PVT1: variants seen among roughly 807,000 people sequenced by gnomAD.
The protein encoded by PVT1 is CXCR4/PVT1 fusion.
chr8:128,017,667 G>T (rs1817389274), intron 4 of PVT1, among the ~76,000 whole-genome samples: 1 of 151,866 alleles, frequency 6.6e-6, no homozygotes, highest in South Asian at 2.1e-4. Context: ...AAACTCCTGG[G>T]CTCAAGTTAT....
At chr8:127,850,431 T>G (rs911998876) in intron 2 of PVT1, among the ~76,000 whole-genome samples, 1 of 152,210 alleles carries the variant, frequency 6.6e-6, no homozygotes, top group African/African-American at 2.4e-5. Flanking sequence ...TTGGTTATGA[T>G]GCCACGGCCC....
chr8:127,869,161 C>T (rs887461338), intron 2 of PVT1, among the ~76,000 whole-genome samples: 14 of 152,118 alleles, frequency 9.2e-5, no homozygotes, highest in East Asian at 3.9e-4. Flanking sequence ...GATGGAGTCT[C>T]GCTCTGTTGC....
chr8:128,096,044 C>G, intron 5 of PVT1, among the ~76,000 whole-genome samples: 1 of 152,140 alleles, frequency 6.6e-6, no homozygotes, highest in Admixed American at 6.5e-5. Flanking sequence ...CAAGTAGGCT[C>G]AGAGCACAGA....
chr8:127,897,086 C>T (rs1169823866), intron 3 of PVT1, among the ~76,000 whole-genome samples: 2 of 152,110 alleles, frequency 1.3e-5, no homozygotes, highest in Non-Finnish European at 2.9e-5. Context: ...CTGTGGAATT[C>T]CAAAGTTAAT....
chr8:127,822,330 C>T (rs1707004384), intron 2 of PVT1, among the ~76,000 whole-genome samples: 1 of 152,182 alleles, frequency 6.6e-6, no homozygotes, highest in East Asian at 1.9e-4. Flanking sequence ...GTAATCCCAG[C>T]ACTTTGGGAG....
chr8:127,819,798 C>T (rs1159839758), intron 2 of PVT1, among the ~76,000 whole-genome samples: 1 of 152,208 alleles, frequency 6.6e-6, no homozygotes, highest in Non-Finnish European at 1.5e-5. Flanking sequence ...GAATCCTAGA[C>T]TCTTAACATT....
At chr8:127,918,710 G>C (rs1049726067) in intron 3 of PVT1, among the ~76,000 whole-genome samples, 5 of 152,206 alleles carry the variant, frequency 3.3e-5, no homozygotes, top group Non-Finnish European at 5.9e-5. Flanking sequence ...GCCCTAGAGA[G>C]AAAGAATGTG....
At chr8:127,870,104 G>A (rs999471385) in intron 2 of PVT1, among the ~76,000 whole-genome samples, 1 of 152,152 alleles carries the variant, frequency 6.6e-6, no homozygotes, top group Non-Finnish European at 1.5e-5. Context: ...GTGCCTGGTG[G>A]ACATTGGGTC....
chr8:127,819,965 T>A (rs1348395473), intron 2 of PVT1, among the ~76,000 whole-genome samples: 1 of 152,216 alleles, frequency 6.6e-6, no homozygotes, highest in Non-Finnish European at 1.5e-5. Context: ...TTCATCTTCA[T>A]GGAATGTCAC....
intron 3 of PVT1, among the ~76,000 whole-genome samples, chr8:127,900,424 C>T (rs1815744043): frequency 6.6e-6 from 1 of 152,154 alleles, no homozygotes; most frequent in African/African-American, 2.4e-5. Context: ...CCCCATCCTT[C>T]TCTTCATACA....
intron 3 of PVT1, among the ~76,000 whole-genome samples, chr8:127,977,228 G>T (rs1355805623): frequency 1.3e-5 from 2 of 152,094 alleles, no homozygotes; most frequent in East Asian, 3.9e-4. Flanking sequence ...ATAAGGATGT[G>T]CAGTAGGTCT....
At chr8:127,954,393 C>A (rs1181262916) in intron 3 of PVT1, among the ~76,000 whole-genome samples, 3 of 148,642 alleles carry the variant, frequency 2.0e-5, no homozygotes, top group African/African-American at 7.5e-5. Flanking sequence ...TTCCCAGGTT[C>A]AAGCGATTTT....
At chr8:128,041,676 CGT>C (rs1214927745) in intron 4 of PVT1, among the ~76,000 whole-genome samples, 1 of 142,912 alleles carries the variant, frequency 7.0e-6, no homozygotes, top group East Asian at 2.1e-4. Context: ...GCGTGTTGTT[CGT>C]GTGTGTTTGT....
chr8:127,826,083 C>T (rs1310871456), intron 2 of PVT1, among the ~76,000 whole-genome samples: 1 of 136,708 alleles, frequency 7.3e-6, no homozygotes, highest in Admixed American at 8.2e-5. Flanking sequence ...CAGTTTCGAA[C>T]TCCTTGGCTC....
chr8:127,877,296 CT>C (rs1260284979), intron 2 of PVT1, among the ~76,000 whole-genome samples: 1 of 152,224 alleles, frequency 6.6e-6, no homozygotes, highest in African/African-American at 2.4e-5. Flanking sequence ...GGGGCCCGCC[CT>C]TTTCACGCTG....
At chr8:128,094,663 G>A (rs993936004) in intron 5 of PVT1, among the ~76,000 whole-genome samples, 1 of 152,186 alleles carries the variant, frequency 6.6e-6, no homozygotes, top group South Asian at 2.1e-4. Context: ...GATATCAAGT[G>A]GGCACTCAAG....
At chr8:127,835,546 T>C (rs749805340) in intron 2 of PVT1, among the ~76,000 whole-genome samples, 2 of 152,230 alleles carry the variant, frequency 1.3e-5, no homozygotes, top group Admixed American at 6.5e-5. Context: ...CAAACCACCA[T>C]GGCACACGCA....
chr8:128,092,122 G>T (rs1814364063), intron 5 of PVT1, among the ~76,000 whole-genome samples: 2 of 152,030 alleles, frequency 1.3e-5, no homozygotes, highest in Non-Finnish European at 2.9e-5. Flanking sequence ...CAGTGCAGGG[G>T]CTGGGAAGCT....
intron 4 of PVT1, among the ~76,000 whole-genome samples, chr8:128,017,254 G>A (rs1817384519): frequency 6.6e-6 from 1 of 152,050 alleles, no homozygotes; most frequent in African/African-American, 2.4e-5. Context: ...TCCAAACTTT[G>A]CCTCTGAATG....
Sources: allele counts gnomAD v4.1 joint callset (sites outside exome capture counted in the v4.1 genomes callset), GRCh38; gene constraint gnomAD v4.1.1; transcripts MANE v1.5; gene names NCBI Gene and HGNC (gene_info 2026-07-23, HGNC 2026-07-21).